The following LGSN variants were observed in gnomAD, a reference collection of about 807,000 sequenced individuals.
The protein encoded by LGSN is lengsin, lens protein with glutamine synthetase domain, also known as lengsin.
In LGSN, 21 loss-of-function variants were observed where a neutral mutation model predicts 19.5. The ratio of observed to expected loss-of-function variants is 1.07; its 90% CI spans 0.76 to 1.55. The LOEUF (loss-of-function observed/expected upper bound fraction) is 1.55, where lower values mean the gene tolerates loss of function less well. Ranked by LOEUF, LGSN falls within the 40% of genes most tolerant of loss-of-function variation. The pLI is 0.00. For synonymous variants in LGSN, 257 were observed against 215.6 expected, an observed-to-expected ratio of 1.19 and a Z score of -1.68; for missense variants, 673 against 608.5, an observed-to-expected ratio of 1.11 and a Z score of -1.12.
the LGSN span, chr6:63,573,404 C>T: frequency 5.6e-4 from 86 of 152,394 alleles, no homozygotes; most frequent in African/African-American, 1.9e-3. Context: ...CAGCTACACT[C>T]TTGTGCTCGA....
the LGSN span, among the ~76,000 whole-genome samples, chr6:63,464,649 A>C: frequency 1.3e-5 from 2 of 151,804 alleles, no homozygotes; most frequent in Admixed American, 6.6e-5. Context: ...ATGATCAGAG[A>C]AGTGTCCAAT....
At chr6:63,340,489 G>A in the LGSN span, among the ~76,000 whole-genome samples, 1 of 151,734 alleles carries the variant, frequency 6.6e-6, no homozygotes, top group Non-Finnish European at 1.5e-5. Context: ...GTCTGACTGG[G>A]TTACTTCAGA....
chr6:63,320,524 C>T (rs941444859), upstream of LGSN, among the ~76,000 whole-genome samples: 3 of 152,128 alleles, frequency 2.0e-5, no homozygotes, highest in African/African-American at 7.2e-5. Flanking sequence ...TCCAATTCTC[C>T]GATGTCAGTC....
intron 1 of LGSN, among the ~76,000 whole-genome samples, chr6:63,314,549 A>AT (rs1768767884): frequency 6.6e-6 from 1 of 152,218 alleles, no homozygotes; most frequent in South Asian, 2.1e-4. Context: ...TTAACATTTC[A>AT]TGAGTGCCTT....
At chr6:63,313,943 A>C (rs1768737245) in intron 1 of LGSN, among the ~76,000 whole-genome samples, 1 of 152,112 alleles carries the variant, frequency 6.6e-6, no homozygotes, top group African/African-American at 2.4e-5. Flanking sequence ...GAAAGGAAAC[A>C]AAAAAGGAGA....
chr6:63,473,614 T>C, the LGSN span, among the ~76,000 whole-genome samples: 1 of 152,124 alleles, frequency 6.6e-6, no homozygotes, highest in Non-Finnish European at 1.5e-5. Context: ...GAAGTGTATT[T>C]TAATAGATTC....
chr6:63,530,634 A>C, the LGSN span, among the ~76,000 whole-genome samples: 1 of 152,206 alleles, frequency 6.6e-6, no homozygotes, highest in Non-Finnish European at 1.5e-5. Flanking sequence ...TAATAGAAAA[A>C]AAGGAGAAGA....
At chr6:63,501,505 T>C in the LGSN span, among the ~76,000 whole-genome samples, 1 of 152,000 alleles carries the variant, frequency 6.6e-6, no homozygotes, top group African/African-American at 2.4e-5. Context: ...TATGGCTGAA[T>C]ATAAAAATAA....
chr6:63,565,629 A>G, the LGSN span, among the ~76,000 whole-genome samples: 1 of 152,304 alleles, frequency 6.6e-6, no homozygotes, highest in Non-Finnish European at 1.5e-5. Context: ...TGTCTGACTC[A>G]ACAAAACACA....
chr6:63,484,994 A>T, the LGSN span, among the ~76,000 whole-genome samples: 1 of 151,180 alleles, frequency 6.6e-6, no homozygotes, highest in African/African-American at 2.4e-5. Context: ...CATTTTATCC[A>T]CTTTGTCTTG....
the LGSN span, among the ~76,000 whole-genome samples, chr6:63,430,639 C>T: frequency 1.3e-5 from 2 of 152,114 alleles, no homozygotes; most frequent in Non-Finnish European, 1.5e-5. Flanking sequence ...TCGCTTGCCA[C>T]GGCCTCTGAA....
chr6:63,479,040 C>T, the LGSN span, among the ~76,000 whole-genome samples: 1 of 152,194 alleles, frequency 6.6e-6, no homozygotes, highest in Admixed American at 6.5e-5. Context: ...TCCCAAAAAT[C>T]CCTTTATCCA....
At chr6:63,407,837 G>C in the LGSN span, among the ~76,000 whole-genome samples, 28 of 152,256 alleles carry the variant, frequency 1.8e-4, no homozygotes, top group Admixed American at 1.1e-3. Flanking sequence ...AAAGTCTCAG[G>C]ATACAAAATC....
At chr6:63,284,950 G>A (rs879640738) in intron 3 of LGSN, among the ~76,000 whole-genome samples, 28 of 152,240 alleles carry the variant, frequency 1.8e-4, no homozygotes, top group Non-Finnish European at 3.7e-4. Context: ...GTACCGACCT[G>A]ATGTCCCTTG....
chr6:63,561,936 C>T, the LGSN span, among the ~76,000 whole-genome samples: 1 of 152,122 alleles, frequency 6.6e-6, no homozygotes, highest in African/African-American at 2.4e-5. Context: ...ACAGACCTAT[C>T]GGTGCAACCT....
the LGSN span, among the ~76,000 whole-genome samples, chr6:63,553,210 C>T: frequency 3.9e-5 from 6 of 152,290 alleles, no homozygotes; most frequent in African/African-American, 7.2e-5. Context: ...TTGTGTGATA[C>T]AGCTTAGTTT....
chr6:63,364,274 CG>C, the LGSN span, among the ~76,000 whole-genome samples: 1 of 149,480 alleles, frequency 6.7e-6, no homozygotes, highest in South Asian at 2.1e-4. Flanking sequence ...AAAAAAAAAA[CG>C]GGTTGCAATC....
In LGSN at chr6:63,280,137, G is replaced by A. The variant is rs749958325; in HGVS notation, c.1414C>T (p.Leu472=). 4 of 1,614,090 alleles carry A rather than the reference G, an allele frequency of 2.5e-6. No individual in the cohort carries two copies. Among genetic ancestry groups the A allele is most frequent in the South Asian group, 1.1e-5 (1 of 91,086 alleles). Residue 472 remains leucine (L), a synonymous_variant, in exon 4 of 4, where the codon CTG becomes TTG. Coordinates refer to ENST00000370657, the MANE Select transcript of LGSN (RefSeq NM_016571.3). ...AAGGTTTCTCCTAGAGCCTGTCTCA[G>A]GCATTGATCTTCTTCCAGTGCCACA... ...ALVALEEDQC[L]RQALGETFIR...
the LGSN span, among the ~76,000 whole-genome samples, chr6:63,391,521 A>G: frequency 6.6e-6 from 1 of 152,060 alleles, no homozygotes; most frequent in Non-Finnish European, 1.5e-5. Flanking sequence ...ATCCTCCAAC[A>G]CTGTTCTCTC....
Sources: gnomAD v4.1 joint callset for allele counts (sites outside exome capture counted in the v4.1 genomes callset) on GRCh38, gnomAD v4.1.1 for gene constraint, MANE v1.5 for transcripts, NCBI Gene and HGNC (gene_info 2026-07-23, HGNC 2026-07-21) for gene names.